Variants in OPRK1 observed in about 807,000 individuals in gnomAD.
OPRK1 encodes kappa-type opioid receptor.
OPRK1 carries 15 observed loss-of-function variants against 24.5 expected under a neutral mutation model. The ratio of observed to expected loss-of-function variants is 0.61; its 90% CI spans 0.41 to 0.94. The LOEUF is 0.94. Ranked by LOEUF, OPRK1 falls within the 40% of genes least tolerant of loss-of-function variation. OPRK1 has a pLI of 0.00. For synonymous variants in OPRK1, 205 were observed against 198.0 expected (o/e 1.04, Z -0.30); for missense variants, 479 against 507.3 (o/e 0.94, Z 0.54).
At chr8:53,242,951 A>G (rs940606139) in intron 2 of OPRK1, 6 of 1,285,952 alleles carry the variant, frequency 4.7e-6, no homozygotes, top group Non-Finnish European at 6.1e-6. Flanking sequence ...TAAGCCATTT[A>G]TAGTATTATC....
Position 53,229,085 on chromosome 8 carries a change from A to C in OPRK1, c.*212T>G. 1 of 525,504 alleles carries C rather than the reference A, an allele frequency of 1.9e-6. No individual in the cohort carries two copies. The highest frequency in any genetic ancestry group is 3.3e-6 in the Non-Finnish European group (1 of 298,768). 32.6% of individuals were successfully genotyped at this position (525,504 alleles called of 1,614,324 possible). A position where few individuals can be genotyped will look rare whatever the true frequency, so the allele number is the denominator to read the frequency against. The stretch of plus-strand genomic sequence containing the variant: ...CTGCCTCGCTTCTGTGCCCTAGAGA[A>C]GAGGTGCATGTGTTGCGTGGACCTT... On this transcript the variant is annotated 3_prime_UTR_variant, in exon 4 of 4. Transcript: ENST00000265572.
intron 2 of OPRK1, among the ~76,000 whole-genome samples, chr8:53,247,201 G>T (rs1807250919): frequency 6.6e-6 from 1 of 152,160 alleles, no homozygotes; most frequent in Non-Finnish European, 1.5e-5. Flanking sequence ...AGACAATCTG[G>T]GAGAAAATGT....
At position 53,229,546 on chromosome 8, in the gene OPRK1, A is replaced by T. The variant is rs772793457; in HGVS notation, c.894T>A (p.Ala298=). The T allele has an allele frequency of 2.5e-6, 4 of 1,614,096 alleles. No individual in the cohort carries two copies. Among genetic ancestry groups the T allele is most frequent in the Non-Finnish European group, 8.5e-7 (1 of 1,180,052 alleles). The change falls in exon 4 of 4, where the codon GCT becomes GCA. Residue 298 remains alanine (A), a synonymous_variant. Transcript: ENST00000265572. ...CTGTGCTGTGGGAGGTGCTCCCCAGAGCCTCCACCAGGATGAATATGTGAA... is the reference window on the plus strand; with the variant it reads ...CTGTGCTGTGGGAGGTGCTCCCCAGTGCCTCCACCAGGATGAATATGTGAA... ...TPIHIFILVE[A]LGSTSHSTAA...
chr8:53,238,467 G>T, intron 2 of OPRK1: 1 of 878,536 alleles, frequency 1.1e-6, no homozygotes, highest in Non-Finnish European at 1.4e-6. Context: ...TGAAAAAACA[G>T]TACGGTGCAT....
chr8:53,236,225 A>G (rs1223254228), intron 2 of OPRK1, among the ~76,000 whole-genome samples: 3 of 152,226 alleles, frequency 2.0e-5, no homozygotes, highest in African/African-American at 7.2e-5. Context: ...AACTCAGACA[A>G]TCCTGAGTCT....
At chr8:53,232,734 G>A (rs1806886179) in intron 3 of OPRK1, among the ~76,000 whole-genome samples, 1 of 152,124 alleles carries the variant, frequency 6.6e-6, no homozygotes, top group African/African-American at 2.4e-5. Flanking sequence ...GCATCTCATG[G>A]TTGTCATAAT....
intron 2 of OPRK1, among the ~76,000 whole-genome samples, chr8:53,240,786 C>T (rs1807094628): frequency 6.6e-6 from 1 of 152,088 alleles, no homozygotes; most frequent in Non-Finnish European, 1.5e-5. Flanking sequence ...ATCAACAATA[C>T]TGTATTGCTT....
chr8:53,247,107 C>G (rs534304806), intron 2 of OPRK1, among the ~76,000 whole-genome samples: 1 of 152,304 alleles, frequency 6.6e-6, no homozygotes, highest in African/African-American at 2.4e-5. Context: ...GGCAGAAGTA[C>G]AAGAAGGCAG....
In OPRK1 at chr8:53,243,026, C is replaced by A. The variant is rs559859107; in HGVS notation, c.257+7755G>T. On this transcript the variant is annotated intron_variant, in intron 2 of 3. Transcript: ENST00000265572. ...TATCCAAGACATAAACCAGCACCCC[C>A]TCCAAAGAAAGGGAAAAAAAGGGAC... is the stretch of plus-strand genomic sequence containing the variant. The A allele has an allele frequency of 3.8e-5, 44 of 1,163,396 alleles. No homozygotes were observed. The South Asian group carries it at 5.3e-4, about 14-fold the overall frequency. The allele number at this position is 1,163,396 out of a possible 1,614,324, so 72.1% of individuals were successfully genotyped here.
At chr8:53,235,227 T>A in intron 2 of OPRK1, 116 bp from the exon 3 acceptor site, 1 of 793,342 alleles carries the variant, frequency 1.3e-6, no homozygotes, top group South Asian at 1.8e-5. Context: ...ATTATTCTTA[T>A]ATTCATTGAG....
chr8:53,243,063 T>C (rs571636625), intron 2 of OPRK1, among the ~76,000 whole-genome samples: 1 of 152,368 alleles, frequency 6.6e-6, no homozygotes, highest in South Asian at 2.1e-4. Flanking sequence ...GCTGCTGATC[T>C]TTCTGTTGAG....
intron 3 of OPRK1, among the ~76,000 whole-genome samples, chr8:53,234,147 G>C (rs1041642956): frequency 7.6e-6 from 1 of 131,118 alleles, no homozygotes; most frequent in African/African-American, 3.2e-5. Flanking sequence ...TCGCGCCACT[G>C]CACTCTAGCC....
intron 2 of OPRK1, among the ~76,000 whole-genome samples, chr8:53,235,601 C>T (rs1806971999): frequency 6.6e-6 from 1 of 152,076 alleles, no homozygotes; most frequent in Non-Finnish European, 1.5e-5. Context: ...TTGATATATG[C>T]TCAGTTGCAA....
rs546459906 is a variant in OPRK1, at chr8:53,234,182, CAAAA to C, written c.610+573_610+576del. Among the ~76,000 whole-genome samples the C allele has an allele frequency of 2.0e-4, 13 of 65,358 alleles. No homozygotes were observed. The South Asian group carries it at 2.2e-3, about 11-fold the overall frequency. 42.9% of individuals were successfully genotyped at this position (65,358 alleles called of 152,430 possible). Reference sequence around the variant, plus strand: ...CTGGCAACAGAGCAAGACTCTCTCTCAAAAAAAAAAAAAAAAAAAAATCAGTTGG... The same window carrying C: ...CTGGCAACAGAGCAAGACTCTCTCTCAAAAAAAAAAAAAAAAATCAGTTGG... On this transcript the variant is annotated intron_variant, in intron 3 of 3. Coordinates refer to ENST00000265572, the MANE Select transcript of OPRK1 (RefSeq NM_000912.5).
chr8:53,250,798 G>T lies in OPRK1; in HGVS notation c.240C>A (p.Val80=). ...FVVGLVGNSL[V]MFVIIRYTKM... ...GCGCTCACCGGATGATCACGAACAT[G>T]ACCAGCGAGTTGCCCACCAAGCCCA... The change falls in exon 2 of 4, where the codon GTC becomes GTA. Residue 80 remains valine (V), a synonymous_variant. Coordinates refer to ENST00000265572, the MANE Select transcript of OPRK1 (RefSeq NM_000912.5). 1.2e-6 allele frequency: 2 copies of T among 1,609,868 alleles called. No homozygotes were observed. Among genetic ancestry groups the T allele is most frequent in the Non-Finnish European group, 1.7e-6 (2 of 1,178,082 alleles).
At chr8:53,238,891 T>C (rs2128809194) in intron 2 of OPRK1, among the ~76,000 whole-genome samples, 1 of 152,206 alleles carries the variant, frequency 6.6e-6, no homozygotes, top group East Asian at 1.9e-4. Context: ...ATGCAGGAGG[T>C]AGAGGAGGTA....
At chr8:53,238,510 G>C in intron 2 of OPRK1, 2 of 984,350 alleles carry the variant, frequency 2.0e-6, no homozygotes, top group Non-Finnish European at 2.4e-6. Context: ...CCGGGAAAGA[G>C]GGCTTACCTG....
intron 2 of OPRK1, among the ~76,000 whole-genome samples, chr8:53,237,506 G>A (rs10958350): frequency 0.066 from 9,990 of 152,232 alleles, 339 homozygotes; most frequent in Middle Eastern, 0.14. Flanking sequence ...AAGTGCCTGC[G>A]TCAGGACCTC....
intron 3 of OPRK1, among the ~76,000 whole-genome samples, chr8:53,230,111 G>A (rs983341947): frequency 2.0e-5 from 3 of 151,574 alleles, no homozygotes; most frequent in Admixed American, 6.6e-5. Flanking sequence ...TCTAGTTGCA[G>A]AAGTTGGTTT....
Sources: gnomAD v4.1 joint callset for allele counts (sites outside exome capture counted in the v4.1 genomes callset) on GRCh38, gnomAD v4.1.1 for gene constraint, MANE v1.5 for transcripts, NCBI Gene and HGNC (gene_info 2026-07-23, HGNC 2026-07-21) for gene names.